Variants in NEXMIF observed in about 807,000 individuals in gnomAD.
NEXMIF encodes the protein XLMR protein related to neurite extension.
Under a neutral mutation model 62.1 loss-of-function variants are expected in NEXMIF, and 8 were observed. The ratio of observed to expected loss-of-function variants is 0.13; its 90% CI spans 0.08 to 0.23. The LOEUF (loss-of-function observed/expected upper bound fraction) is 0.23, where lower values mean the gene tolerates loss of function less well. NEXMIF is among the 10% of genes least tolerant of loss of function. The pLI is 1.00. For synonymous variants in NEXMIF, 404 were observed against 416.6 expected (o/e 0.97, Z 0.37); for missense variants, 976 against 1,113.3 (o/e 0.88, Z 1.75).
At chrX:74,790,294 G>A (rs1432141677) in intron 1 of NEXMIF, among the ~76,000 whole-genome samples, 5 of 110,965 alleles carry the variant, frequency 4.5e-5, no homozygotes, top group African/African-American at 9.7e-5. Flanking sequence ...GTAGATATGC[G>A]GCGTTATTTC....
At chrX:74,888,946 A>G (rs1264962347) in intron 1 of NEXMIF, among the ~76,000 whole-genome samples, 1 of 111,855 alleles carries the variant, frequency 8.9e-6, no homozygotes, top group Non-Finnish European at 1.9e-5. Context: ...AAATTCATCT[A>G]GAAACTTTAT....
chrX:74,780,619 G>A (rs781437699), intron 1 of NEXMIF, among the ~76,000 whole-genome samples: 9 of 109,800 alleles, frequency 8.2e-5, no homozygotes, highest in Non-Finnish European at 1.3e-4. Flanking sequence ...TCAGGCAATC[G>A]GCCCGCTGTG....
chrX:74,866,764 G>A (rs940720693), intron 1 of NEXMIF, among the ~76,000 whole-genome samples: 1 of 112,662 alleles, frequency 8.9e-6, no homozygotes, highest in Non-Finnish European at 1.9e-5. Flanking sequence ...CCCTGAACAT[G>A]TGCTCTGGCA....
At chrX:74,796,148 TATATAC>T (rs2080306723) in intron 1 of NEXMIF, among the ~76,000 whole-genome samples, 1 of 75,670 alleles carries the variant, frequency 1.3e-5, no homozygotes, top group African/African-American at 5.2e-5. Flanking sequence ...ATATATTATA[TATATAC>T]ATATATATTA....
chrX:74,836,916 C>T (rs1466250718), intron 1 of NEXMIF, among the ~76,000 whole-genome samples: 1 of 110,877 alleles, frequency 9.0e-6, no homozygotes, highest in Admixed American at 9.6e-5. Flanking sequence ...TACCTAGGAC[C>T]CCAGAGCTCT....
Position 74,742,761 on chromosome X carries a change from G to A in NEXMIF, c.1796C>T (p.Thr599Met), listed in dbSNP as rs1052758203. The change falls in exon 3 of 4, where the codon ACG (threonine) becomes ATG (methionine). Residue 599 changes from threonine (T) to methionine (M), a missense_variant. Transcript: ENST00000055682. ...QKKKKQRNTN[T>M]DSIKTPFSQK... ...GGAAAAAGGTGTCTTGATGGAGTCC[G>A]TGTTGGTGTTTCTCTGCTTCTTCTT... is the stretch of plus-strand genomic sequence containing the variant. The A allele has an allele frequency of 1.2e-5, 15 of 1,210,930 alleles. No individual in the cohort carries two copies. Among genetic ancestry groups the A allele is most frequent in the Admixed American group, 8.7e-5 (4 of 45,898 alleles).
At chrX:74,912,453 G>T (rs1002790830) in intron 1 of NEXMIF, among the ~76,000 whole-genome samples, 1 of 111,566 alleles carries the variant, frequency 9.0e-6, no homozygotes, top group Non-Finnish European at 1.9e-5. Flanking sequence ...ACTAGGATCT[G>T]CAGCATGCCA....
intron 1 of NEXMIF, among the ~76,000 whole-genome samples, chrX:74,871,372 T>C (rs911179073): frequency 1.8e-5 from 2 of 111,018 alleles, no homozygotes; most frequent in African/African-American, 6.6e-5. Flanking sequence ...CAATAAAAGA[T>C]CAAAAGGCAG....
At position 74,803,081 on chromosome X, in the gene NEXMIF, G is replaced by A. The variant is rs1197153619; in HGVS notation, c.-47-57384C>T. Among the ~76,000 whole-genome samples, 9 of 111,064 alleles carry A rather than the reference G, an allele frequency of 8.1e-5. No individual in the cohort carries two copies. The Admixed American group carries it at 8.6e-4, about 11-fold the overall frequency. On this transcript the variant is annotated intron_variant, in intron 1 of 3. Coordinates refer to ENST00000055682, the MANE Select transcript of NEXMIF (RefSeq NM_001008537.3). Reference sequence around the variant, plus strand: ...CTTACAAGATCTAGAAAATAGCCTCGAAAGGAAAAATATGAATTACTGGCC... The same window carrying A: ...CTTACAAGATCTAGAAAATAGCCTCAAAAGGAAAAATATGAATTACTGGCC...
chrX:74,839,147 C>T (rs1430311912), intron 1 of NEXMIF, among the ~76,000 whole-genome samples: 1 of 112,044 alleles, frequency 8.9e-6, no homozygotes, highest in Admixed American at 9.5e-5. Context: ...ACAGTTAATA[C>T]ATTCTGCCTT....
chrX:74,796,220 T>TACATATATAATATATATATATATAC (rs2080309482), intron 1 of NEXMIF, among the ~76,000 whole-genome samples: 3 of 65,759 alleles, frequency 4.6e-5, no homozygotes, highest in African/African-American at 2.0e-4. Context: ...TATATATATA[T>TACATATATAATATATATATATATAC]ACATATATAA....
intron 1 of NEXMIF, among the ~76,000 whole-genome samples, chrX:74,902,820 T>G (rs1337985790): frequency 8.9e-6 from 1 of 111,984 alleles, no homozygotes; most frequent in East Asian, 2.8e-4. Flanking sequence ...ATAGCCCAAC[T>G]GGCCAGCATG....
At chrX:74,797,911 C>A (rs746665835) in intron 1 of NEXMIF, among the ~76,000 whole-genome samples, 97 of 112,326 alleles carry the variant, frequency 8.6e-4, no homozygotes, top group African/African-American at 3.0e-3. Flanking sequence ...ATGGCATAAG[C>A]CTCTTTTCCT....
intron 1 of NEXMIF, among the ~76,000 whole-genome samples, chrX:74,787,215 G>A (rs972029564): frequency 2.8e-5 from 3 of 108,238 alleles, no homozygotes; most frequent in East Asian, 5.7e-4. Flanking sequence ...CCCAGGAGGC[G>A]GAGGTTGTGG....
intron 1 of NEXMIF, among the ~76,000 whole-genome samples, chrX:74,917,147 G>C (rs960658674): frequency 8.9e-6 from 1 of 111,852 alleles, no homozygotes; most frequent in Non-Finnish European, 1.9e-5. Flanking sequence ...CCCAATGTTG[G>C]AGGACAGGCC....
intron 1 of NEXMIF, among the ~76,000 whole-genome samples, chrX:74,907,439 A>T (rs2080773127): frequency 9.4e-6 from 1 of 106,592 alleles, no homozygotes; most frequent in Admixed American, 1.0e-4. Context: ...TGTACCTGAT[A>T]GAGAGTGTAG....
intron 1 of NEXMIF, among the ~76,000 whole-genome samples, chrX:74,873,433 T>C (rs1002403429): frequency 3.6e-5 from 4 of 112,136 alleles, no homozygotes; most frequent in Non-Finnish European, 7.5e-5. Flanking sequence ...CTATTGTGAA[T>C]AATGCCACAA....
chrX:74,774,465 C>G (rs1473655029), intron 1 of NEXMIF, among the ~76,000 whole-genome samples: 2 of 111,436 alleles, frequency 1.8e-5, no homozygotes, highest in Non-Finnish European at 3.8e-5. Context: ...TGAAAGAAAT[C>G]AGACCTTTGG....
chrX:74,778,437 T>G (rs2080235293), intron 1 of NEXMIF, among the ~76,000 whole-genome samples: 1 of 111,194 alleles, frequency 9.0e-6, no homozygotes, highest in Non-Finnish European at 1.9e-5. Context: ...TCCTTCCTTC[T>G]TTTCTTTTTT....
Sources: gnomAD v4.1 joint callset for allele counts (sites outside exome capture counted in the v4.1 genomes callset) on GRCh38, gnomAD v4.1.1 for gene constraint, MANE v1.5 for transcripts, NCBI Gene and HGNC (gene_info 2026-07-23, HGNC 2026-07-21) for gene names.